Variants in SEMA3A observed in about 807,000 individuals in gnomAD.
The protein encoded by SEMA3A is semaphorin 3A, also known as semaphorin-3A.
In SEMA3A, 29 loss-of-function variants were observed where a neutral mutation model predicts 97.9. The observed-to-expected ratio is 0.30, with a 90% CI of 0.22 to 0.40. The LOEUF is 0.40. Ranked by LOEUF, SEMA3A falls within the 10% of genes least tolerant of loss-of-function variation. The probability of loss-of-function intolerance (pLI) is 1.00; values close to 1 mark genes in which losing one functional copy is unlikely to be tolerated. For synonymous variants in SEMA3A, 321 were observed against 323.7 expected (o/e 0.99, Z 0.09); for missense variants, 763 against 951.3 (o/e 0.80, Z 2.60).
At chr7:84,357,209 C>T (rs922077867) in intron 2 of SEMA3A, among the ~76,000 whole-genome samples, 3 of 151,424 alleles carry the variant, frequency 2.0e-5, no homozygotes, top group African/African-American at 7.3e-5. Context: ...ATACATGTGC[C>T]ATGTTGGTGT....
chr7:84,059,068 C>T (rs1294886303), intron 5 of SEMA3A, among the ~76,000 whole-genome samples: 1 of 152,064 alleles, frequency 6.6e-6, no homozygotes, highest in Non-Finnish European at 1.5e-5. Context: ...ATCCTTTTTT[C>T]AGTGTGCAAT....
chr7:84,040,105 C>T (rs968414860), intron 6 of SEMA3A, among the ~76,000 whole-genome samples: 1 of 151,968 alleles, frequency 6.6e-6, no homozygotes, highest in African/African-American at 2.4e-5. Flanking sequence ...ATATCTTCCA[C>T]TGTGAAAGTT....
At chr7:84,081,696 A>C (rs1282496185) in intron 4 of SEMA3A, among the ~76,000 whole-genome samples, 2 of 152,100 alleles carry the variant, frequency 1.3e-5, no homozygotes, top group Non-Finnish European at 2.9e-5. Context: ...TATGCAAGCA[A>C]ATAAATAAAC....
At chr7:84,205,853 T>G (rs1798480668) in intron 3 of SEMA3A, among the ~76,000 whole-genome samples, 1 of 152,220 alleles carries the variant, frequency 6.6e-6, no homozygotes, top group African/African-American at 2.4e-5. Context: ...TCAATAAATG[T>G]GGAAAGCCAC....
chr7:84,224,869 G>T (rs1798954843), intron 3 of SEMA3A, among the ~76,000 whole-genome samples: 1 of 151,932 alleles, frequency 6.6e-6, no homozygotes. Context: ...CCTAGAATCT[G>T]TGGATCCTTG....
In SEMA3A at chr7:84,424,704, A is replaced by G. The variant is rs1804726584; in HGVS notation, c.-245-52804T>C. 5.2e-5 allele frequency among the ~76,000 whole-genome samples: 3 copies of G among 57,848 alleles called. No homozygotes were observed. In the South Asian group the frequency reaches 1.8e-3, roughly 35 times the overall value. 38.0% of individuals were successfully genotyped at this position (57,848 alleles called of 152,430 possible). On this transcript the variant is annotated intron_variant, in intron 1 of 3. Coordinates refer to the SEMA3A transcript ENST00000424555. ...ATAAATATATAATATATTGATATCA[A>G]TATATAATATATAAATTATTTATAT...
intron 4 of SEMA3A, among the ~76,000 whole-genome samples, chr7:84,094,804 A>G (rs890573565): frequency 2.0e-5 from 3 of 152,096 alleles, no homozygotes; most frequent in African/African-American, 4.8e-5. Context: ...TATTTGCTGT[A>G]GTTGAGAGAT....
chr7:84,403,566 G>T (rs368260870), intron 1 of SEMA3A, among the ~76,000 whole-genome samples: 1 of 152,318 alleles, frequency 6.6e-6, no homozygotes, highest in South Asian at 2.1e-4. Context: ...CCAGCACGCA[G>T]CTTGAGATCT....
Position 84,166,976 on chromosome 7 carries a change from G to C in SEMA3A, c.112+27499C>G, listed in dbSNP as rs147208290. Reference sequence around the variant, plus strand: ...TTCTATATAAATTTGTGCCTATTTTGCTAGAAGAGTGTCTATCATATAGTG... The same window carrying C: ...TTCTATATAAATTTGTGCCTATTTTCCTAGAAGAGTGTCTATCATATAGTG... On this transcript the variant is annotated intron_variant, in intron 1 of 16. Transcript: ENST00000265362. 7.3e-3 allele frequency among the ~76,000 whole-genome samples: 514 copies of C among 70,320 alleles called. 1 individual carries two copies. The highest frequency in any genetic ancestry group is 0.02 in the African/African-American group (480 of 24,048). The allele number at this position is 70,320 out of a possible 152,430, so 46.1% of individuals were successfully genotyped here. A position where few individuals can be genotyped will look rare whatever the true frequency, so the allele number is the denominator to read the frequency against.
chr7:84,448,632 A>T (rs181995065), intron 1 of SEMA3A, among the ~76,000 whole-genome samples: 1 of 152,254 alleles, frequency 6.6e-6, no homozygotes, highest in African/African-American at 2.4e-5. Context: ...TATACAAGAA[A>T]AACTACAAAA....
intron 3 of SEMA3A, among the ~76,000 whole-genome samples, chr7:84,269,608 C>T (rs1800093562): frequency 6.6e-6 from 1 of 152,070 alleles, no homozygotes; most frequent in Non-Finnish European, 1.5e-5. Flanking sequence ...ACCTATCTCA[C>T]AAGTCAAACA....
intron 4 of SEMA3A, among the ~76,000 whole-genome samples, chr7:84,092,822 A>G (rs969162822): frequency 3.3e-5 from 5 of 152,144 alleles, no homozygotes; most frequent in African/African-American, 1.2e-4. Flanking sequence ...AACTTACTAC[A>G]TAAGGACTGT....
intron 12 of SEMA3A, among the ~76,000 whole-genome samples, chr7:83,992,127 T>C (rs1329528959): frequency 1.3e-5 from 2 of 148,236 alleles, no homozygotes; most frequent in African/African-American, 5.0e-5. Flanking sequence ...TGTAGTATTC[T>C]CTGATGGTAG....
chr7:84,082,356 A>G (rs1270919777), intron 4 of SEMA3A, among the ~76,000 whole-genome samples: 3 of 152,190 alleles, frequency 2.0e-5, no homozygotes, highest in Admixed American at 6.5e-5. Context: ...GGGAAGTGGA[A>G]AGTCGAAAGA....
chr7:84,181,495 C>T (rs71558713), intron 1 of SEMA3A, among the ~76,000 whole-genome samples: 9,625 of 151,784 alleles, frequency 0.063, 355 homozygotes, highest in African/African-American at 0.094. Context: ...GATAGACTGA[C>T]GTAATTATGT....
At chr7:84,168,877 A>T (rs970778346) in intron 1 of SEMA3A, among the ~76,000 whole-genome samples, 2 of 151,770 alleles carry the variant, frequency 1.3e-5, no homozygotes, top group African/African-American at 4.8e-5. Context: ...TAATAGTTTA[A>T]ATTTCTTTTC....
chr7:84,333,978 A>G (rs1033223365), intron 2 of SEMA3A, among the ~76,000 whole-genome samples: 2 of 152,180 alleles, frequency 1.3e-5, no homozygotes, highest in Non-Finnish European at 2.9e-5. Flanking sequence ...TCATATACTT[A>G]AAGTCCACCA....
chr7:84,183,302 A>C (rs991630248), intron 1 of SEMA3A, among the ~76,000 whole-genome samples: 13 of 151,662 alleles, frequency 8.6e-5, no homozygotes, highest in African/African-American at 2.9e-4. Context: ...TCCTTGTGAA[A>C]TTTTTTTTTC....
chr7:84,412,564 T>C (rs1562938392), intron 1 of SEMA3A, among the ~76,000 whole-genome samples: 1 of 152,154 alleles, frequency 6.6e-6, no homozygotes, highest in Non-Finnish European at 1.5e-5. Flanking sequence ...TTCAAAGTAA[T>C]AGGCAAATAA....
Sources: gnomAD v4.1 joint callset for allele counts (sites outside exome capture counted in the v4.1 genomes callset) on GRCh38, gnomAD v4.1.1 for gene constraint, MANE v1.5 for transcripts, NCBI Gene and HGNC (gene_info 2026-07-23, HGNC 2026-07-21) for gene names.